The following BRINP3 variants were observed in gnomAD, a reference collection of about 807,000 sequenced individuals.
BRINP3 encodes BMP/retinoic acid inducible neural specific 3.
In BRINP3, 19 loss-of-function variants were observed where a neutral mutation model predicts 71.0. That is an observed-to-expected ratio of 0.27 (90% CI 0.19 to 0.39). The LOEUF is 0.39. BRINP3 is among the 10% of genes least tolerant of loss of function. BRINP3 has a pLI of 1.00. For synonymous variants in BRINP3, 380 were observed against 337.7 expected, an observed-to-expected ratio of 1.13 and a Z score of -1.37; for missense variants, 959 against 940.8, an observed-to-expected ratio of 1.02 and a Z score of -0.25.
intron 7 of BRINP3, among the ~76,000 whole-genome samples, chr1:190,158,230 A>G (rs1657035913): frequency 6.6e-6 from 1 of 152,028 alleles, no homozygotes; most frequent in Non-Finnish European, 1.5e-5. Flanking sequence ...TCCCTGCACA[A>G]GTTCTCTCTT....
At chr1:190,225,295 A>T (rs1394437017) in intron 6 of BRINP3, among the ~76,000 whole-genome samples, 1 of 152,012 alleles carries the variant, frequency 6.6e-6, no homozygotes, top group Non-Finnish European at 1.5e-5. Flanking sequence ...TTCAGCCATA[A>T]AATAGAATGA....
chr1:190,270,837 T>A (rs1286412374), intron 3 of BRINP3, among the ~76,000 whole-genome samples: 1 of 151,692 alleles, frequency 6.6e-6, no homozygotes, highest in Middle Eastern at 3.2e-3. Context: ...GGAAAATGCA[T>A]TAAAATGTTG....
At chr1:190,108,600 C>A (rs1023802732) in intron 7 of BRINP3, among the ~76,000 whole-genome samples, 8 of 148,870 alleles carry the variant, frequency 5.4e-5, no homozygotes, top group Admixed American at 2.7e-4. Context: ...AAGACAGAAG[C>A]AATCTAGTAT....
intron 2 of BRINP3, among the ~76,000 whole-genome samples, chr1:190,353,038 TAA>T (rs531736737): frequency 2.9e-5 from 4 of 138,534 alleles, no homozygotes; most frequent in African/African-American, 5.3e-5. Flanking sequence ...CAAGCTGGCT[TAA>T]AAAAAAAAAA....
intron 2 of BRINP3, among the ~76,000 whole-genome samples, chr1:190,294,343 C>A (rs1348053234): frequency 1.3e-5 from 2 of 151,422 alleles, no homozygotes; most frequent in Non-Finnish European, 2.9e-5. Context: ...ACTGCAGACT[C>A]GATTTCCCAG....
Position 190,110,613 on chromosome 1 carries a change from T to C in BRINP3, c.1185-11479A>G, listed in dbSNP as rs559169644. On this transcript the variant is annotated intron_variant, in intron 7 of 7. Transcript: ENST00000367462. Reference sequence around the variant, plus strand: ...AGAGTATGTTAAAGCCAGATGACTGTTGGAGTCCTGTAGTATAAATGGAAT... The same window carrying C: ...AGAGTATGTTAAAGCCAGATGACTGCTGGAGTCCTGTAGTATAAATGGAAT... Among the ~76,000 whole-genome samples, 47 of 152,296 alleles carry C rather than the reference T, an allele frequency of 3.1e-4. 1 individual carries two copies. The South Asian group carries it at 6.8e-3, about 22-fold the overall frequency.
chr1:190,336,813 C>T (rs1337158548), intron 2 of BRINP3, among the ~76,000 whole-genome samples: 8 of 111,010 alleles, frequency 7.2e-5, no homozygotes, highest in Non-Finnish European at 1.3e-4. Context: ...TTCACTCCCT[C>T]CCTTCCCTCC....
At chr1:190,138,471 G>A (rs555434651) in intron 7 of BRINP3, among the ~76,000 whole-genome samples, 1 of 152,288 alleles carries the variant, frequency 6.6e-6, no homozygotes, top group South Asian at 2.1e-4. Flanking sequence ...CAGAAAGCAG[G>A]TATGAGTCAG....
chr1:190,363,069 A>T (rs74130712), intron 2 of BRINP3, among the ~76,000 whole-genome samples: 2,503 of 152,244 alleles, frequency 0.016, 63 homozygotes, highest in African/African-American at 0.055. Context: ...CTAACCAGGG[A>T]ATCCCTTGGG....
At chr1:190,288,775 G>A (rs1391693129) in intron 2 of BRINP3, among the ~76,000 whole-genome samples, 1 of 151,798 alleles carries the variant, frequency 6.6e-6, no homozygotes, top group Admixed American at 6.6e-5. Flanking sequence ...ATGCGATTTT[G>A]TGGAATTAAT....
chr1:190,170,589 T>C (rs759745487), intron 6 of BRINP3, among the ~76,000 whole-genome samples: 15 of 152,110 alleles, frequency 9.9e-5, no homozygotes, highest in Non-Finnish European at 2.2e-4. Flanking sequence ...AAATAACATA[T>C]GTTTTACAAT....
intron 2 of BRINP3, among the ~76,000 whole-genome samples, chr1:190,327,914 C>T (rs1666719264): frequency 6.6e-6 from 1 of 152,072 alleles, no homozygotes; most frequent in Admixed American, 6.6e-5. Context: ...TAAGGCAAGT[C>T]TCCATAAATT....
chr1:190,476,789 C>T (rs1490603299), intron 1 of BRINP3, among the ~76,000 whole-genome samples: 2 of 152,002 alleles, frequency 1.3e-5, no homozygotes, highest in African/African-American at 4.8e-5. Context: ...AATGTACTGA[C>T]AAATACTATG....
chr1:190,460,401 A>G (rs979730441), intron 1 of BRINP3, among the ~76,000 whole-genome samples: 1 of 151,934 alleles, frequency 6.6e-6, no homozygotes, highest in African/African-American at 2.4e-5. Context: ...TACTAAATAC[A>G]TAATTGTGTA....
chr1:190,173,843 C>T (rs1372633394), intron 6 of BRINP3, among the ~76,000 whole-genome samples: 1 of 151,996 alleles, frequency 6.6e-6, no homozygotes, highest in Non-Finnish European at 1.5e-5. Flanking sequence ...TTTTGCAAAC[C>T]TCTTCAGTGT....
chr1:190,393,529 G>A (rs745357816), intron 2 of BRINP3, among the ~76,000 whole-genome samples: 22 of 151,298 alleles, frequency 1.5e-4, no homozygotes, highest in Non-Finnish European at 2.7e-4. Context: ...ATATAACAAC[G>A]GTGAATGGAA....
chr1:190,344,009 G>A (rs1667844373), intron 2 of BRINP3, among the ~76,000 whole-genome samples: 1 of 151,604 alleles, frequency 6.6e-6, no homozygotes, highest in Non-Finnish European at 1.5e-5. Context: ...AGTAGACCTA[G>A]TGCTCATGAA....
In BRINP3 at chr1:190,464,267, T is replaced by C. The variant is rs372967502; in HGVS notation, c.-50-9327A>G. On this transcript the variant is annotated intron_variant, in intron 1 of 7. Transcript: ENST00000367462. ...GCTACAAAAATGGCAGAAATGGATG[T>C]TTATTTGAAATAGAAATCCCTTTTG... 1.1e-3 allele frequency among the ~76,000 whole-genome samples: 163 copies of C among 152,048 alleles called. 5 individuals carry two copies. In the South Asian group the frequency reaches 0.021, roughly 20 times the overall value.
At chr1:190,347,394 C>A (rs1015115647) in intron 2 of BRINP3, among the ~76,000 whole-genome samples, 3 of 152,106 alleles carry the variant, frequency 2.0e-5, no homozygotes, top group Non-Finnish European at 4.4e-5. Flanking sequence ...CCCACCTTGG[C>A]CTCCCAAAGT....
Sources: gnomAD v4.1 joint callset for allele counts (sites outside exome capture counted in the v4.1 genomes callset) on GRCh38, gnomAD v4.1.1 for gene constraint, MANE v1.5 for transcripts, NCBI Gene and HGNC (gene_info 2026-07-23, HGNC 2026-07-21) for gene names.